NLGN1: variants seen among roughly 807,000 people sequenced by gnomAD.
The protein encoded by NLGN1 is neuroligin 1.
A neutral mutation model predicts 65.5 loss-of-function variants in NLGN1; 12 were observed. The observed-to-expected ratio is 0.18, with a 90% CI of 0.12 to 0.30. The LOEUF (loss-of-function observed/expected upper bound fraction) is 0.30. Ranked by LOEUF, NLGN1 falls within the 10% of genes least tolerant of loss-of-function variation. The pLI, the probability that NLGN1 is intolerant of heterozygous loss-of-function variation, is 1.00. For synonymous variants in NLGN1, 350 were observed against 359.5 expected (o/e 0.97, Z 0.30); for missense variants, 750 against 1,007.1 (o/e 0.74, Z 3.46).
intron 4 of NLGN1, among the ~76,000 whole-genome samples, chr3:174,057,064 G>A (rs1736288253): frequency 6.6e-6 from 1 of 151,782 alleles, no homozygotes; most frequent in African/African-American, 2.4e-5. Flanking sequence ...TATTGTGACT[G>A]TAGATTGATG....
At chr3:173,513,600 C>T (rs1733334743) in intron 2 of NLGN1, among the ~76,000 whole-genome samples, 1 of 152,144 alleles carries the variant, frequency 6.6e-6, no homozygotes. Flanking sequence ...CACAGAATGG[C>T]AACTTCTAAG....
chr3:173,865,102 CATG>C lies in NLGN1; in HGVS notation c.646+57273_646+57275del, dbSNP rs554736450. Among the ~76,000 whole-genome samples, 410 of 152,228 alleles carry C rather than the reference CATG, an allele frequency of 2.7e-3. 2 individuals carry two copies. Among genetic ancestry groups the C allele is most frequent in the African/African-American group, 8.9e-3 (371 of 41,552 alleles). On this transcript the variant is annotated intron_variant, in intron 4 of 6. Coordinates refer to ENST00000457714, the Ensembl canonical transcript of NLGN1. Reference sequence around the variant, plus strand: ...TGCCAGGGTAAGATTGTGAATTCAGCATGATATTTGTCAAAGTGAATGCTACTC... The same window carrying C: ...TGCCAGGGTAAGATTGTGAATTCAGCATATTTGTCAAAGTGAATGCTACTC...
At chr3:174,162,207 A>C (rs960754619) in intron 4 of NLGN1, among the ~76,000 whole-genome samples, 8 of 151,974 alleles carry the variant, frequency 5.3e-5, no homozygotes, top group African/African-American at 1.9e-4. Flanking sequence ...CCTTTCACAC[A>C]CAAATAGAAT....
chr3:173,716,080 A>C (rs1177374260), intron 3 of NLGN1, among the ~76,000 whole-genome samples: 1 of 152,184 alleles, frequency 6.6e-6, no homozygotes, highest in African/African-American at 2.4e-5. Flanking sequence ...AAAACTTTGA[A>C]TTATTTCACG....
rs2152605040 is a variant in NLGN1, at chr3:174,107,444, C to A, written c.647-167871C>A. Among the ~76,000 whole-genome samples the A allele has an allele frequency of 1.3e-5, 2 of 152,150 alleles. 1 individual carries two copies. The highest frequency in any genetic ancestry group is 3.9e-4 in the East Asian group (2 of 5,172). ...TTAGTATATTTCTGTAGAGATTTAT[C>A]TAGGTGATTGTGTGTATTAATAGAT... On this transcript the variant is annotated intron_variant, in intron 4 of 6. Coordinates refer to ENST00000457714, the Ensembl canonical transcript of NLGN1.
chr3:173,488,544 T>G (rs902455564), intron 2 of NLGN1, among the ~76,000 whole-genome samples: 1 of 152,120 alleles, frequency 6.6e-6, no homozygotes, highest in African/African-American at 2.4e-5. Flanking sequence ...TATGGTTTAG[T>G]TGAGTATAAA....
chr3:173,563,428 C>T (rs1245758831), intron 2 of NLGN1, among the ~76,000 whole-genome samples: 3 of 152,110 alleles, frequency 2.0e-5, no homozygotes, highest in East Asian at 3.9e-4. Flanking sequence ...GGTAAATCTG[C>T]CCTGAAAGCC....
At chr3:173,439,896 A>T (rs529473849) in intron 2 of NLGN1, among the ~76,000 whole-genome samples, 2 of 152,138 alleles carry the variant, frequency 1.3e-5, no homozygotes, top group African/African-American at 4.8e-5. Flanking sequence ...AACTTTTTCA[A>T]ATAAGACAGC....
At chr3:173,790,276 T>G (rs1578444588) in intron 3 of NLGN1, among the ~76,000 whole-genome samples, 1 of 152,230 alleles carries the variant, frequency 6.6e-6, no homozygotes, top group Non-Finnish European at 1.5e-5. Flanking sequence ...CCTAAAGTAG[T>G]TGCACAGAAT....
chr3:173,761,513 G>A (rs2150209943), intron 3 of NLGN1, among the ~76,000 whole-genome samples: 1 of 152,036 alleles, frequency 6.6e-6, no homozygotes, highest in East Asian at 1.9e-4. Context: ...TGATGAGGCG[G>A]GTAGATTAGC....
chr3:174,073,813 A>G (rs1301119384), intron 4 of NLGN1, among the ~76,000 whole-genome samples: 1 of 152,190 alleles, frequency 6.6e-6, no homozygotes, highest in Non-Finnish European at 1.5e-5. Context: ...ATTTTCTTAC[A>G]AATACAAAAT....
chr3:173,863,539 G>T, intron 4 of NLGN1, among the ~76,000 whole-genome samples: 1 of 152,158 alleles, frequency 6.6e-6, no homozygotes, highest in East Asian at 1.9e-4. Context: ...TGCACTAAAA[G>T]TTGTGTCAAT....
chr3:173,824,323 A>G (rs775068054), intron 4 of NLGN1, among the ~76,000 whole-genome samples: 62 of 152,116 alleles, frequency 4.1e-4, no homozygotes, highest in Non-Finnish European at 8.4e-4. Context: ...TACAATCTTC[A>G]ATCTGTGGTT....
At chr3:173,477,641 C>A (rs546707) in intron 2 of NLGN1, among the ~76,000 whole-genome samples, 15,582 of 152,170 alleles carry the variant, frequency 0.1, 872 homozygotes, top group Admixed American at 0.14. Context: ...GGATCTGAAA[C>A]TGAATAATGA....
At chr3:174,134,528 C>G (rs763124821) in intron 4 of NLGN1, among the ~76,000 whole-genome samples, 43 of 152,152 alleles carry the variant, frequency 2.8e-4, no homozygotes, top group Non-Finnish European at 2.8e-4. Flanking sequence ...ATACTGTCCC[C>G]TTCCAGACTT....
At chr3:173,650,561 A>C (rs1412556744) in intron 3 of NLGN1, among the ~76,000 whole-genome samples, 1 of 152,152 alleles carries the variant, frequency 6.6e-6, no homozygotes, top group Non-Finnish European at 1.5e-5. Context: ...CACATTGTGC[A>C]TTAAATTTGT....
At chr3:173,578,898 A>G (rs1745961646) in intron 2 of NLGN1, among the ~76,000 whole-genome samples, 1 of 152,218 alleles carries the variant, frequency 6.6e-6, no homozygotes, top group Non-Finnish European at 1.5e-5. Flanking sequence ...TAGCTAAAAC[A>G]TTTGAAATTG....
chr3:174,151,023 CT>C (rs11363123), intron 4 of NLGN1, among the ~76,000 whole-genome samples: 55,423 of 150,920 alleles, frequency 0.37, 11,846 homozygotes, highest in African/African-American at 0.59. Context: ...GGTTCATAGA[CT>C]TTTTTTTTCC....
At chr3:173,854,486 C>T (rs557357068) in intron 4 of NLGN1, among the ~76,000 whole-genome samples, 1 of 152,030 alleles carries the variant, frequency 6.6e-6, no homozygotes, top group East Asian at 1.9e-4. Flanking sequence ...CAATAATAAT[C>T]GTTTACAGCA....
Sources: allele counts gnomAD v4.1 joint callset (sites outside exome capture counted in the v4.1 genomes callset), GRCh38; gene constraint gnomAD v4.1.1; transcripts MANE v1.5; gene names NCBI Gene and HGNC (gene_info 2026-07-23, HGNC 2026-07-21).